Variants in SPG11 observed in about 807,000 individuals in gnomAD.
SPG11 encodes the protein spatacsin.
SPG11 carries 222 observed loss-of-function variants against 274.0 expected under a neutral mutation model. The observed-to-expected ratio is 0.81, with a 90% CI of 0.73 to 0.91. SPG11 has a LOEUF of 0.91. Ranked by LOEUF, SPG11 falls within the 40% of genes least tolerant of loss-of-function variation. The pLI, the probability that SPG11 is intolerant of heterozygous loss-of-function variation, is 0.00. For synonymous variants in SPG11, 1,144 were observed against 1,039.7 expected (o/e 1.10, Z -1.93); for missense variants, 3,114 against 2,872.7 (o/e 1.08, Z -1.92).
chr15:44,610,693 T>A (rs1248099260), intron 18 of SPG11, 147 bp downstream of exon 18: 2 of 894,786 alleles, frequency 2.2e-6, no homozygotes, highest in African/African-American at 1.7e-5. Flanking sequence ...ATAAAATTTT[T>A]AAATTCAGCC....
At chr15:44,575,113 T>C (rs777414350) in intron 30 of SPG11, 72 bp from the exon 31 acceptor site, 59 of 1,586,534 alleles carry the variant, frequency 3.7e-5, no homozygotes, top group Non-Finnish European at 4.7e-5. Flanking sequence ...TCTATGGCTC[T>C]ACCTCTCTGC....
chr15:44,625,217 CTG>C (rs1035561211), intron 11 of SPG11, among the ~76,000 whole-genome samples: 5 of 151,596 alleles, frequency 3.3e-5, no homozygotes, highest in African/African-American at 1.2e-4. Flanking sequence ...GGGTCTTGCT[CTG>C]TTACCAGCTA....
chr15:44,616,373 T>C (rs1567165326), intron 15 of SPG11, among the ~76,000 whole-genome samples: 1 of 152,128 alleles, frequency 6.6e-6, no homozygotes, highest in African/African-American at 2.4e-5. Flanking sequence ...ACTCAGTTTT[T>C]AAATTTTTTG....
intron 30 of SPG11, among the ~76,000 whole-genome samples, chr15:44,577,915 G>A (rs905036552): frequency 1.3e-5 from 2 of 151,698 alleles, no homozygotes; most frequent in African/African-American, 4.8e-5. Context: ...CCTAATTCCT[G>A]TTCTTCCTTG....
intron 3 of SPG11, 81 bp from the exon 4 acceptor site, chr15:44,657,377 G>A (rs1850278220): frequency 1.5e-6 from 2 of 1,317,810 alleles, no homozygotes; most frequent in Admixed American, 1.8e-5. Context: ...AAGAGCTATA[G>A]ACTTTATCAC....
chr15:44,599,408 T>G (rs2083126330), intron 21 of SPG11, among the ~76,000 whole-genome samples: 3 of 152,164 alleles, frequency 2.0e-5, no homozygotes, highest in Admixed American at 2.0e-4. Flanking sequence ...CAAGCGATTC[T>G]CCTGCCTCAG....
intron 36 of SPG11, among the ~76,000 whole-genome samples, chr15:44,566,527 C>T (rs1350954101): frequency 6.6e-6 from 1 of 152,156 alleles, no homozygotes; most frequent in Admixed American, 6.5e-5. Flanking sequence ...CTCATTTCTC[C>T]AAAACATCAA....
In SPG11 at chr15:44,621,755, T is replaced by C; in HGVS notation, c.2620+4A>G. Reference sequence around the variant, plus strand: ...GTTCATATTTCAGGCTCTCTCACACTTGCCTTCTGGACTTATCCTGGGGAG... The same window carrying C: ...GTTCATATTTCAGGCTCTCTCACACCTGCCTTCTGGACTTATCCTGGGGAG... On this transcript the variant is annotated splice_donor_region_variant and intron_variant, in intron 14 of 39. Transcript: ENST00000261866. 6.2e-7 allele frequency: 1 copy of C among 1,613,854 alleles called. No homozygotes were observed. The highest frequency in any genetic ancestry group is 8.5e-7 in the Non-Finnish European group (1 of 1,179,798).
intron 19 of SPG11, among the ~76,000 whole-genome samples, chr15:44,606,703 A>C (rs1311739916): frequency 6.6e-6 from 1 of 152,226 alleles, no homozygotes; most frequent in East Asian, 1.9e-4. Context: ...AAAACAGAAC[A>C]AAAAAAGTCA....
rs1567180536 is a variant in SPG11 at position 44,636,944 on chromosome 15, AAAAAAAAAAAAAAC to A, written c.1603-3321_1603-3308del. Reference sequence around the variant, plus strand: ...CCATCTCAAAAAAAAAAAAAAAAAAAAAAAAAAAAAAAACAAAAAAAAAACACAAATGTGGTAAA... The same window carrying A: ...CCATCTCAAAAAAAAAAAAAAAAAAAAAAAAAAAAACACAAATGTGGTAAA... On this transcript the variant is annotated intron_variant, in intron 7 of 39. Transcript: ENST00000261866. Among the ~76,000 whole-genome samples, 80 of 119,942 alleles carry A rather than the reference AAAAAAAAAAAAAAC, an allele frequency of 6.7e-4. 5 individuals are homozygous for A. Among genetic ancestry groups the A allele is most frequent in the African/African-American group, 2.3e-3 (67 of 29,410 alleles). The allele number at this position is 119,942 out of a possible 152,430, so 78.7% of individuals were successfully genotyped here. A position where few individuals can be genotyped will look rare whatever the true frequency, so the allele number is the denominator to read the frequency against.
chr15:44,568,758 G>C (rs1272283543), intron 35 of SPG11, among the ~76,000 whole-genome samples: 1 of 152,170 alleles, frequency 6.6e-6, no homozygotes, highest in Non-Finnish European at 1.5e-5. Flanking sequence ...AACAACCTCA[G>C]AGCTAGACAA....
In SPG11 at chr15:44,652,207, G is replaced by A; in HGVS notation, c.929C>T (p.Pro310Leu). 1.2e-6 allele frequency: 2 copies of A among 1,614,050 alleles called. No homozygotes were observed. The highest frequency in any genetic ancestry group is 1.7e-6 in the Non-Finnish European group (2 of 1,179,986). Residue 310 changes from proline to leucine, a missense_variant, in exon 5 of 40, where the codon CCT becomes CTT. Transcript: ENST00000261866. ...RILEDLPIQGPKGVDEDDPVN... is the reference protein window; with the variant it reads ...RILEDLPIQGLKGVDEDDPVN... ...AGGATCATCTTCATCTACGCCCTTA[G>A]GTCCTTGAATAGGAAGATCTTCTAG...
In SPG11 at chr15:44,564,716, A is replaced by C; in HGVS notation, c.7000-18T>G. The C allele has an allele frequency of 6.2e-7, 1 of 1,614,084 alleles. No individual in the cohort carries two copies. Among genetic ancestry groups the C allele is most frequent in the Non-Finnish European group, 8.5e-7 (1 of 1,179,984 alleles). ...ATAGAAGCCTTAAAAGGAGAGGTGA[A>C]GAAGGACACCATCAGAGCCCATCTG... On this transcript the variant is annotated intron_variant, in intron 38 of 39. Transcript: ENST00000261866.
chr15:44,639,371 G>A (rs976358606), intron 7 of SPG11, among the ~76,000 whole-genome samples: 8 of 151,778 alleles, frequency 5.3e-5, no homozygotes, highest in Admixed American at 1.3e-4. Flanking sequence ...GATTACTTCT[G>A]GATCATGTTA....
chr15:44,599,224 A>G (rs1416510494), intron 21 of SPG11, among the ~76,000 whole-genome samples: 1 of 152,226 alleles, frequency 6.6e-6, no homozygotes. Flanking sequence ...CATGAAGCAC[A>G]TTTAAAAAAA....
chr15:44,587,697 A>AAAAAAAAAAAAAC (rs2082799185), intron 28 of SPG11, among the ~76,000 whole-genome samples: 1 of 143,816 alleles, frequency 7.0e-6, no homozygotes, highest in African/African-American at 2.7e-5. Context: ...CTGTCTCAAA[A>AAAAAAAAAAAAAC]AAAAAAAAAA....
At chr15:44,603,693 A>G (rs1448169467) in intron 20 of SPG11, among the ~76,000 whole-genome samples, 1 of 152,222 alleles carries the variant, frequency 6.6e-6, no homozygotes, top group Non-Finnish European at 1.5e-5. Context: ...TTGGATACCA[A>G]AATCCACAGA....
In SPG11 at chr15:44,633,324, C is replaced by CAA. The variant is rs531787427; in HGVS notation, c.1735+179_1735+180dup. 498 of 108,796 alleles carry CAA rather than the reference C, an allele frequency of 4.6e-3. 90 individuals are homozygous for CAA. Among genetic ancestry groups the CAA allele is most frequent in the Non-Finnish European group, 5.7e-3 (372 of 65,578 alleles). 6.7% of individuals were successfully genotyped at this position (108,796 alleles called of 1,614,324 possible). A position where few individuals can be genotyped will look rare whatever the true frequency, so the allele number is the denominator to read the frequency against. On this transcript the variant is annotated intron_variant, in intron 8 of 39. Coordinates refer to ENST00000261866, the MANE Select transcript of SPG11 (RefSeq NM_025137.4). ...TAGGCAACAGAGTGAGACTCTGTCT[C>CAA]AAAAAAAAAAAAAAAAAAAAAAAAA...
chr15:44,600,830 C>A (rs1012095230), intron 20 of SPG11, among the ~76,000 whole-genome samples, 198 bp from the exon 21 acceptor site: 3 of 152,076 alleles, frequency 2.0e-5, no homozygotes, highest in Non-Finnish European at 2.9e-5. Flanking sequence ...AAGATGTGTA[C>A]CTGAGAAGTT....
Sources: allele counts gnomAD v4.1 joint callset (sites outside exome capture counted in the v4.1 genomes callset), GRCh38; gene constraint gnomAD v4.1.1; transcripts MANE v1.5; gene names NCBI Gene and HGNC (gene_info 2026-07-23, HGNC 2026-07-21).